ZNF347: variants seen among roughly 807,000 people sequenced by gnomAD.
ZNF347 encodes the protein CTD-2620I22.7.
A neutral mutation model predicts 12.9 loss-of-function variants in ZNF347; 19 were observed. The ratio of observed to expected loss-of-function variants is 1.47; its 90% CI spans 1.03 to 2.16. The LOEUF (loss-of-function observed/expected upper bound fraction) is 2.16, where lower values mean the gene tolerates loss of function less well. ZNF347 is among the 30% of genes most tolerant of loss of function. ZNF347 has a pLI of 0.00. For missense variants in ZNF347, 1,005 were observed against 990.6 expected, an observed-to-expected ratio of 1.01 and a Z score of -0.19; for synonymous variants, 328 against 340.6, an observed-to-expected ratio of 0.96 and a Z score of 0.41.
chr19:53,143,678 C>A (rs964086230), intron 4 of ZNF347, among the ~76,000 whole-genome samples: 1 of 152,060 alleles, frequency 6.6e-6, no homozygotes, highest in Non-Finnish European at 1.5e-5. Context: ...AATAGTGCCA[C>A]AATAAACATA....
intron 4 of ZNF347, among the ~76,000 whole-genome samples, chr19:53,145,118 C>G (rs763370067): frequency 6.6e-6 from 1 of 151,826 alleles, no homozygotes; most frequent in East Asian, 2.0e-4. Context: ...TGGTGAAACC[C>G]TGTTTCTACT....
intron 1 of ZNF347, among the ~76,000 whole-genome samples, chr19:53,156,589 T>C (rs2090537446): frequency 6.6e-6 from 1 of 152,182 alleles, no homozygotes; most frequent in African/African-American, 2.4e-5. Context: ...CAGCTCTTCC[T>C]TCTGACTGTT....
chr19:53,152,724 T>A (rs1410659193), intron 2 of ZNF347, among the ~76,000 whole-genome samples: 1 of 151,070 alleles, frequency 6.6e-6, no homozygotes, highest in Non-Finnish European at 1.5e-5. Flanking sequence ...AGGTCAGGAG[T>A]TCGAGACCAT....
intron 2 of ZNF347, among the ~76,000 whole-genome samples, chr19:53,151,278 A>G (rs146751999): frequency 2.0e-5 from 3 of 152,086 alleles, no homozygotes; most frequent in Non-Finnish European, 4.4e-5. Flanking sequence ...GCTCATGCCT[A>G]TAATCCCAGC....
At position 53,142,118 on chromosome 19, in the gene ZNF347, T is replaced by A; in HGVS notation, c.710A>T (p.Lys237Ile). The change falls in exon 5 of 5, where the codon AAA (lysine) becomes ATA (isoleucine). Residue 237 changes from lysine to isoleucine, a missense_variant. Lys to Ile is a moderately radical substitution (Grantham distance 102, BLOSUM62 -3). Coordinates refer to ENST00000334197, the MANE Select transcript of ZNF347 (RefSeq NM_032584.3). The part of the protein sequence containing the change: ...PYNVKTHISK[K>I]YLKDFISSLL... ...AGAAGAGATAAAATCTTTGAGATATTTCTTAGAAATGTGGGTTTTGACATT... is the reference window on the plus strand; with the variant it reads ...AGAAGAGATAAAATCTTTGAGATATATCTTAGAAATGTGGGTTTTGACATT... The A allele has an allele frequency of 6.2e-7, 1 of 1,613,014 alleles. No individual in the cohort carries two copies. Among genetic ancestry groups the A allele is most frequent in the Non-Finnish European group, 8.5e-7 (1 of 1,179,748 alleles).
rs2090387050 is a variant in ZNF347 at position 53,136,096 on chromosome 19, C to A, written c.*4212G>T. On this transcript the variant is annotated 3_prime_UTR_variant, in exon 5 of 5. Coordinates refer to ENST00000334197, the MANE Select transcript of ZNF347 (RefSeq NM_032584.3). ...TTATTAACTGTATTTTCATTTACTTCTCCAGATGCTGGTTAACCTCCACAC... is the reference window on the plus strand; with the variant it reads ...TTATTAACTGTATTTTCATTTACTTATCCAGATGCTGGTTAACCTCCACAC... The A allele has an allele frequency of 6.6e-6, 1 of 151,548 alleles. No individual in the cohort carries two copies. The highest frequency in any genetic ancestry group is 1.9e-4 in the East Asian group (1 of 5,188). 9.4% of individuals were successfully genotyped at this position (151,548 alleles called of 1,614,324 possible).
In ZNF347 at chr19:53,142,094, G is replaced by GAAGAGATAA. The variant is rs2090432655; in HGVS notation, c.725_733dup (p.Phe242_Ser244dup). ...TTTTTGCCCCTGTGTGAGTAATAAA[G>GAAGAGATAA]AAGAGATAAAATCTTTGAGATATTT... On this transcript the variant is annotated inframe_insertion, in exon 5 of 5. Transcript: ENST00000334197. 6.2e-7 allele frequency: 1 copy of GAAGAGATAA among 1,612,698 alleles called. No individual in the cohort carries two copies. Among genetic ancestry groups the GAAGAGATAA allele is most frequent in the Non-Finnish European group, 8.5e-7 (1 of 1,179,652 alleles).
At chr19:53,158,001 T>C (rs1182927097) in intron 1 of ZNF347, among the ~76,000 whole-genome samples, 1 of 152,218 alleles carries the variant, frequency 6.6e-6, no homozygotes, top group Non-Finnish European at 1.5e-5. Context: ...TCCCTCACTC[T>C]TTCCTCTCAG....
chr19:53,143,348 G>T (rs1047787005), intron 4 of ZNF347, among the ~76,000 whole-genome samples: 1 of 150,362 alleles, frequency 6.7e-6, no homozygotes, highest in African/African-American at 2.4e-5. Context: ...TTTAACATTA[G>T]GTATATCTCC....
At chr19:53,156,058 G>GGGGT (rs1568645486) in intron 1 of ZNF347, among the ~76,000 whole-genome samples, 1 of 127,904 alleles carries the variant, frequency 7.8e-6, no homozygotes, top group Non-Finnish European at 1.7e-5. Context: ...GGGGGGGGGG[G>GGGGT]GGTTAGGCGG....
Position 53,140,766 on chromosome 19 carries a change from T to A in ZNF347, c.2062A>T (p.Lys688Ter). ...GKPYQCNECG[K>*]AFSQTSKLAR... ...AGCTTTGATGTTTGACTAAAGGCTT[T>A]GCCACATTCATTACACTGGTAAGGT... The change falls in exon 5 of 5, where the codon AAA becomes TAA. Residue 688 changes from lysine to a stop codon, truncating the protein, a stop_gained. Coordinates refer to ENST00000334197, the MANE Select transcript of ZNF347 (RefSeq NM_032584.3). LOFTEE classifies it low-confidence loss of function (END_TRUNC). 1 of 1,612,768 alleles carries A rather than the reference T, an allele frequency of 6.2e-7. No individual in the cohort carries two copies. The highest frequency in any genetic ancestry group is 8.5e-7 in the Non-Finnish European group (1 of 1,179,220).
intron 2 of ZNF347, among the ~76,000 whole-genome samples, chr19:53,153,429 C>T (rs535078009): frequency 1.3e-5 from 2 of 152,280 alleles, no homozygotes; most frequent in South Asian, 4.2e-4. Flanking sequence ...CCAGATGTGG[C>T]CCCTGAACAA....
intron 3 of ZNF347, 101 bp from the exon 4 acceptor site, chr19:53,148,910 A>G (rs1368499571): frequency 3.6e-5 from 52 of 1,450,710 alleles, no homozygotes; most frequent in Non-Finnish European, 4.5e-5. Flanking sequence ...TATCTAAAAA[A>G]ACACTTCAAA....
chr19:53,148,109 T>A (rs1480135675), intron 4 of ZNF347, among the ~76,000 whole-genome samples: 1 of 152,158 alleles, frequency 6.6e-6, no homozygotes, highest in East Asian at 1.9e-4. Context: ...GACAAGGATG[T>A]CCACTTTCAC....
rs368221708 is a variant in ZNF347 at position 53,141,905 on chromosome 19, T to C, written c.923A>G (p.Gln308Arg). 5 of 1,613,732 alleles carry C rather than the reference T, an allele frequency of 3.1e-6. No homozygotes were observed. The African/African-American group carries it at 6.7e-5, about 22-fold the overall frequency. Residue 308 changes from glutamine to arginine, a missense_variant, in exon 5 of 5, where the codon CAG becomes CGG. Coordinates refer to ENST00000334197, the MANE Select transcript of ZNF347 (RefSeq NM_032584.3). ...FRTRSNLTTH[Q>R]VIHTGEKRYK... The stretch of plus-strand genomic sequence containing the variant: ...ACGTTTTTCGCCAGTATGGATCACC[T>C]GATGGGTAGTTAGGTTTGAACGTGT...
At position 53,141,315 on chromosome 19, in the gene ZNF347, C is replaced by T. The variant is rs1191739737; in HGVS notation, c.1513G>A (p.Val505Ile). The change falls in exon 5 of 5, where the codon GTC becomes ATC. Residue 505 changes from valine (V) to isoleucine (I), a missense_variant. Val to Ile is a conservative substitution (Grantham distance 29, BLOSUM62 3). Coordinates refer to ENST00000334197, the MANE Select transcript of ZNF347 (RefSeq NM_032584.3). Reference protein sequence around the residue: ...RAHSNLTTHQVIHTGEKPYKC... With the variant: ...RAHSNLTTHQIIHTGEKPYKC... ...TAAGGCTTTTCTCCAGTATGGATGA[C>T]CTGATGGGTAGTTAGGTTTGAATGT... 2 of 1,613,050 alleles carry T rather than the reference C, an allele frequency of 1.2e-6. No individual in the cohort carries two copies. The highest frequency in any genetic ancestry group is 1.6e-4 in the Middle Eastern group (1 of 6,074).
chr19:53,140,617 G>A lies in ZNF347; in HGVS notation c.2211C>T (p.Tyr737=). 6.2e-7 allele frequency: 1 copy of A among 1,613,800 alleles called. No homozygotes were observed. The highest frequency in any genetic ancestry group is 8.5e-7 in the Non-Finnish European group (1 of 1,179,960). Residue 737 remains tyrosine (Y), a synonymous_variant, in exon 5 of 5, where the codon TAC becomes TAT. Transcript: ENST00000334197. ...HQAIHTGKKP[Y]KCNECGKVFT... ...AGACCTTCCCACACTCATTGCATTT[G>A]TAAGGTTTTTTTCCAGTATGGATTG... is the stretch of plus-strand genomic sequence containing the variant.
Position 53,156,884 on chromosome 19 carries a change from C to T in ZNF347, c.-47+2125G>A, listed in dbSNP as rs896707043. On this transcript the variant is annotated intron_variant, in intron 1 of 4. Coordinates refer to ENST00000334197, the MANE Select transcript of ZNF347 (RefSeq NM_032584.3). ...AGTTTCAGAATTGAGTTAAACTATA[C>T]GACACTCAGTTAGTGTCTGATAGAG... is the stretch of plus-strand genomic sequence containing the variant. 3.9e-5 allele frequency among the ~76,000 whole-genome samples: 6 copies of T among 152,210 alleles called. No individual in the cohort carries two copies. In the South Asian group the frequency reaches 6.2e-4, roughly 16 times the overall value.
chr19:53,142,588 T>C (rs368577130), intron 4 of ZNF347, 32 bp from the exon 5 acceptor site: 16 of 1,464,088 alleles, frequency 1.1e-5, no homozygotes, highest in African/African-American at 1.4e-5. Context: ...AGGTTTCCAA[T>C]TAATTGTAGT....
Sources: allele counts gnomAD v4.1 joint callset (sites outside exome capture counted in the v4.1 genomes callset), GRCh38; gene constraint gnomAD v4.1.1; transcripts MANE v1.5; gene names NCBI Gene and HGNC (gene_info 2026-07-23, HGNC 2026-07-21).